Variants in CFH observed in about 807,000 individuals in gnomAD.
CFH encodes complement factor H, also known as H factor 1 (complement).
Under a neutral mutation model 147.3 loss-of-function variants are expected in CFH, and 53 were observed. That is an observed-to-expected ratio of 0.36 (90% CI 0.29 to 0.45). The LOEUF is 0.45. Among genes scored for constraint, CFH ranks in the 20% least tolerant of loss-of-function variants. CFH has a pLI of 1.00. For synonymous variants in CFH, 536 were observed against 489.4 expected, an observed-to-expected ratio of 1.10 and a Z score of -1.26; for missense variants, 1,380 against 1,498.0, an observed-to-expected ratio of 0.92 and a Z score of 1.30.
intron 6 of CFH, 95 bp downstream of exon 6, chr1:196,679,888 T>G (rs1667590526): frequency 9.1e-7 from 1 of 1,092,942 alleles, no homozygotes; most frequent in East Asian, 2.6e-5. Flanking sequence ...AAAAGTAGAG[T>G]GCTAATTTAT....
chr1:196,667,251 A>C (rs997685190), intron 1 of CFH, among the ~76,000 whole-genome samples: 1 of 152,196 alleles, frequency 6.6e-6, no homozygotes, highest in Non-Finnish European at 1.5e-5. Context: ...GCTGAGTTTC[A>C]TGGTGTAAAT....
chr1:196,673,392 A>C, intron 2 of CFH: 2 of 526,380 alleles, frequency 3.8e-6, no homozygotes, highest in East Asian at 3.5e-5. Context: ...GCTGGAGTGC[A>C]GTGGCGCTAT....
chr1:196,732,343 A>T (rs10922108), intron 15 of CFH, among the ~76,000 whole-genome samples: 69,706 of 151,574 alleles, frequency 0.46, 16,342 homozygotes, highest in South Asian at 0.56. Flanking sequence ...TTGGTATTTT[A>T]AAAATACTTT....
chr1:196,725,966 T>G (rs1304856098), intron 12 of CFH, among the ~76,000 whole-genome samples: 1 of 152,212 alleles, frequency 6.6e-6, no homozygotes, highest in Non-Finnish European at 1.5e-5. Context: ...AGGGATTTCT[T>G]TGTTAATTTT....
At position 196,740,610 on chromosome 1, in the gene CFH, T is replaced by C. The variant is rs763209141; in HGVS notation, c.2783-9T>C. The C allele has an allele frequency of 1.6e-5, 26 of 1,613,308 alleles. No homozygotes were observed. Among genetic ancestry groups the C allele is most frequent in the Non-Finnish European group, 2.2e-5 (26 of 1,179,724 alleles). On this transcript the variant is annotated splice_polypyrimidine_tract_variant and intron_variant, in intron 17 of 21. Coordinates refer to ENST00000367429, the MANE Select transcript of CFH (RefSeq NM_000186.4). ...TTAGTGAAACCTGAATTCATTCTTTTTTTTTTAGGCCTTCCTTGTAAATCT... is the reference window on the plus strand; with the variant it reads ...TTAGTGAAACCTGAATTCATTCTTTCTTTTTTAGGCCTTCCTTGTAAATCT...
At chr1:196,728,948 A>G (rs1669215285) in intron 15 of CFH, among the ~76,000 whole-genome samples, 1 of 146,110 alleles carries the variant, frequency 6.8e-6, no homozygotes, top group Non-Finnish European at 1.5e-5. Flanking sequence ...TATTTAATCT[A>G]TCTCTCTGTC....
At position 196,715,737 on chromosome 1, in the gene CFH, A is replaced by G; in HGVS notation, c.1664A>G (p.Tyr555Cys). The change falls in exon 11 of 22, where the codon TAC becomes TGC. Residue 555 changes from tyrosine to cysteine, a missense_variant. Around this residue, in one of 4 missense-constraint regions of CFH, gnomAD observed 830 missense variants for 821.4 expected, o/e 1.01. Coordinates refer to ENST00000367429, the MANE Select transcript of CFH (RefSeq NM_000186.4). Reference sequence around the variant, plus strand: ...ACCACTGGTTCCATAGTGTGTGGTTACAATGGTTGGTCTGATTTACCCATA... The same window carrying G: ...ACCACTGGTTCCATAGTGTGTGGTTGCAATGGTTGGTCTGATTTACCCATA... ...GSTTGSIVCG[Y>C]NGWSDLPICY... is the part of the protein sequence containing the mutation. 6.2e-7 allele frequency: 1 copy of G among 1,612,814 alleles called. No individual in the cohort carries two copies. Among genetic ancestry groups the G allele is most frequent in the African/African-American group, 1.3e-5 (1 of 74,980 alleles).
intron 9 of CFH, among the ~76,000 whole-genome samples, chr1:196,708,712 G>A (rs6664705): frequency 0.62 from 94,675 of 151,862 alleles, 30,034 homozygotes; most frequent in East Asian, 0.93. Context: ...CTCTGTTAGG[G>A]CAAGCCCACT....
At chr1:196,659,836 A>T (rs1666843906) in intron 1 of CFH, among the ~76,000 whole-genome samples, 1 of 152,178 alleles carries the variant, frequency 6.6e-6, no homozygotes, top group South Asian at 2.1e-4. Flanking sequence ...TCAATACAAT[A>T]ATGGTTAGAA....
chr1:196,686,026 A>T (rs1271273594), intron 7 of CFH, among the ~76,000 whole-genome samples: 1 of 152,080 alleles, frequency 6.6e-6, no homozygotes, highest in African/African-American at 2.4e-5. Context: ...GGAGGCAAGC[A>T]CATCTTACCA....
At chr1:196,698,910 G>A (rs1000655898) in intron 9 of CFH, among the ~76,000 whole-genome samples, 2 of 152,080 alleles carry the variant, frequency 1.3e-5, no homozygotes, top group Non-Finnish European at 2.9e-5. Flanking sequence ...GTGATGCAAG[G>A]CTGTTTCAAC....
chr1:196,724,040 T>G (rs192985110), intron 11 of CFH, among the ~76,000 whole-genome samples: 2 of 152,212 alleles, frequency 1.3e-5, no homozygotes, highest in Admixed American at 1.3e-4. Context: ...TCTGCGTGTC[T>G]GCTGGAAGTG....
intron 10 of CFH, 26 bp downstream of exon 10, chr1:196,713,943 G>T: frequency 1.3e-6 from 2 of 1,590,756 alleles, no homozygotes; most frequent in South Asian, 2.2e-5. Flanking sequence ...TGTTTGTATT[G>T]ATTATCCAGA....
chr1:196,717,023 C>T (rs1573056969), intron 11 of CFH, among the ~76,000 whole-genome samples: 1 of 151,490 alleles, frequency 6.6e-6, no homozygotes, highest in African/African-American at 2.4e-5. Flanking sequence ...TGAAACATTA[C>T]CACATTTATA....
chr1:196,670,648 A>G (rs961657633), intron 1 of CFH, among the ~76,000 whole-genome samples: 5 of 152,292 alleles, frequency 3.3e-5, no homozygotes, highest in Admixed American at 3.3e-4. Context: ...TTGTGAGTCA[A>G]TTATATCTCT....
chr1:196,708,884 C>A (rs992346623), intron 9 of CFH, among the ~76,000 whole-genome samples: 1 of 152,112 alleles, frequency 6.6e-6, no homozygotes, highest in African/African-American at 2.4e-5. Flanking sequence ...CATCACGAGT[C>A]CTAGCTATGG....
rs1667850091 is a variant in CFH, at chr1:196,686,946, T to C, written c.964+1709T>C. 5.3e-5 allele frequency among the ~76,000 whole-genome samples: 8 copies of C among 152,074 alleles called. No homozygotes were observed. The South Asian group carries it at 1.7e-3, about 31-fold the overall frequency. ...AGGCCTGCTTCATTACTCACTTGTGTCATTGAACAGTTTAATGATTTAGGG... is the reference window on the plus strand; with the variant it reads ...AGGCCTGCTTCATTACTCACTTGTGCCATTGAACAGTTTAATGATTTAGGG... On this transcript the variant is annotated intron_variant, in intron 7 of 21. Coordinates refer to ENST00000367429, the MANE Select transcript of CFH (RefSeq NM_000186.4).
At position 196,720,055 on chromosome 1, in the gene CFH, T is replaced by G. The variant is rs1340497177; in HGVS notation, c.1696+4286T>G. On this transcript the variant is annotated intron_variant, in intron 11 of 21. Coordinates refer to ENST00000367429, the MANE Select transcript of CFH (RefSeq NM_000186.4). ...TTCACTAATAAATCTTTGATGAGAA[T>G]TTACCTTTTTGTGATGTATATGTCA... 2.6e-5 allele frequency among the ~76,000 whole-genome samples: 4 copies of G among 151,958 alleles called. No homozygotes were observed. In the East Asian group the frequency reaches 7.7e-4, roughly 29 times the overall value.
Position 196,695,089 on chromosome 1 carries a change from T to C in CFH, c.1336+4850T>C, listed in dbSNP as rs5955122. Reference sequence around the variant, plus strand: ...CATGAAGTCTTTGCCCATGCCTATGTCCTGAATAACCTACTGCCTAGGTTT... The same window carrying C: ...CATGAAGTCTTTGCCCATGCCTATGCCCTGAATAACCTACTGCCTAGGTTT... On this transcript the variant is annotated intron_variant, in intron 9 of 21. Transcript: ENST00000367429. 2.0e-5 allele frequency among the ~76,000 whole-genome samples: 3 copies of C among 152,230 alleles called. No homozygotes were observed. The South Asian group carries it at 6.2e-4, about 32-fold the overall frequency.
Sources: gnomAD v4.1 joint callset for allele counts (sites outside exome capture counted in the v4.1 genomes callset) on GRCh38, gnomAD v4.1.1 for gene constraint, gnomAD v4.1.1 regional missense constraint, MANE v1.5 for transcripts, NCBI Gene and HGNC (gene_info 2026-07-23, HGNC 2026-07-21) for gene names.